OLFML1: variants seen among roughly 807,000 people sequenced by gnomAD.
The protein encoded by OLFML1 is olfactomedin-like protein 1.
In OLFML1, 33 loss-of-function variants were observed where a neutral mutation model predicts 37.3. The ratio of observed to expected loss-of-function variants is 0.88; its 90% CI spans 0.67 to 1.18. OLFML1 has a LOEUF of 1.18. OLFML1 is among the 50% of genes most tolerant of loss of function. The pLI is 0.00. For missense variants in OLFML1, 545 were observed against 483.7 expected (o/e 1.13, Z -1.19); for synonymous variants, 186 against 181.3 (o/e 1.03, Z -0.21).
At position 7,509,710 on chromosome 11, in the gene OLFML1, G is replaced by A. The variant is rs1848832701; in HGVS notation, c.731G>A (p.Arg244Lys). 1.2e-6 allele frequency: 2 copies of A among 1,614,214 alleles called. No individual in the cohort carries two copies. Among genetic ancestry groups the A allele is most frequent in the Admixed American group, 1.7e-5 (1 of 60,028 alleles). The change falls in exon 3 of 3, where the codon AGG becomes AAG. Residue 244 changes from arginine (R) to lysine (K), a missense_variant. Transcript: ENST00000329293. ...NEIIKYNLQK[R>K]TVEDRMLLPG... ...ATAATCAAATATAACCTGCAGAAGA[G>A]GACTGTGGAAGATCGAATGCTGCTC...
chr11:7,508,592 C>T (rs911846182), intron 2 of OLFML1, among the ~76,000 whole-genome samples: 1 of 152,150 alleles, frequency 6.6e-6, no homozygotes, highest in African/African-American at 2.4e-5. Context: ...GAACCATGCC[C>T]AATTTATGCT....
At chr11:7,499,959 C>A (rs1465298625) in intron 2 of OLFML1, among the ~76,000 whole-genome samples, 1 of 152,222 alleles carries the variant, frequency 6.6e-6, no homozygotes, top group African/African-American at 2.4e-5. Flanking sequence ...GATGCACTCT[C>A]AGCTTACTAT....
rs1445323714 is a variant in OLFML1 at position 7,510,338 on chromosome 11, G to A, written c.*150G>A. 2 of 649,986 alleles carry A rather than the reference G, an allele frequency of 3.1e-6. No homozygotes were observed. The highest frequency in any genetic ancestry group is 5.2e-6 in the Non-Finnish European group (2 of 385,848). 40.3% of individuals were successfully genotyped at this position (649,986 alleles called of 1,614,324 possible). A position where few individuals can be genotyped will look rare whatever the true frequency, so the allele number is the denominator to read the frequency against. Reference sequence around the variant, plus strand: ...AATACGTATGCCTCCTTTCCCAAATGTCACTGCCTTAGGTATCTTCCAAGA... The same window carrying A: ...AATACGTATGCCTCCTTTCCCAAATATCACTGCCTTAGGTATCTTCCAAGA... On this transcript the variant is annotated 3_prime_UTR_variant, in exon 3 of 3. Coordinates refer to ENST00000329293, the MANE Select transcript of OLFML1 (RefSeq NM_198474.4).
intron 2 of OLFML1, among the ~76,000 whole-genome samples, chr11:7,496,864 G>T (rs1397068365): frequency 1.3e-5 from 2 of 152,116 alleles, no homozygotes; most frequent in Non-Finnish European, 2.9e-5. Context: ...AGCAGCCTGG[G>T]CAACAAAGCA....
intron 1 of OLFML1, among the ~76,000 whole-genome samples, chr11:7,487,076 C>T (rs1021611994): frequency 3.3e-5 from 5 of 152,188 alleles, no homozygotes; most frequent in Non-Finnish European, 7.3e-5. Flanking sequence ...TAAAGCCAGC[C>T]AAATCCCTGC....
Position 7,510,140 on chromosome 11 carries a change from C to T in OLFML1, c.1161C>T (p.Asn387=), listed in dbSNP as rs149859483. The change falls in exon 3 of 3, where the codon AAC becomes AAT. Residue 387 remains asparagine, a synonymous_variant. Coordinates refer to ENST00000329293, the MANE Select transcript of OLFML1 (RefSeq NM_198474.4). ...AGCTCTATGCCTGGAATGAAGGAAA[C>T]CAGATCATTTACAAACTCCAGACAA... is the stretch of plus-strand genomic sequence containing the variant. ...DKQLYAWNEG[N]QIIYKLQTKR... is the part of the protein sequence containing the mutation. 20 of 1,613,176 alleles carry T rather than the reference C, an allele frequency of 1.2e-5. No homozygotes were observed. The East Asian group carries it at 1.8e-4, about 14-fold the overall frequency.
intron 1 of OLFML1, among the ~76,000 whole-genome samples, chr11:7,487,352 AT>A (rs1263035397): frequency 6.6e-6 from 1 of 152,166 alleles, no homozygotes; most frequent in African/African-American, 2.4e-5. Context: ...TTAGGGAATT[AT>A]TTTGGGTCTC....
intron 2 of OLFML1, among the ~76,000 whole-genome samples, chr11:7,491,742 G>A (rs1848600791): frequency 6.6e-6 from 1 of 152,192 alleles, no homozygotes. Context: ...GTTTCTGTGG[G>A]TCAGGAGTCC....
At chr11:7,502,807 T>C (rs952313996) in intron 2 of OLFML1, among the ~76,000 whole-genome samples, 1 of 152,180 alleles carries the variant, frequency 6.6e-6, no homozygotes, top group African/African-American at 2.4e-5. Context: ...GGTTTCACCA[T>C]GTTGGCCAGG....
chr11:7,485,985 A>T lies in OLFML1; in HGVS notation c.110A>T (p.Gln37Leu), dbSNP rs761228962. The T allele has an allele frequency of 3.1e-6, 5 of 1,614,000 alleles. No homozygotes were observed. Among genetic ancestry groups the T allele is most frequent in the Non-Finnish European group, 4.2e-6 (5 of 1,179,952 alleles). Residue 37 changes from glutamine to leucine, a missense_variant, in exon 1 of 3, where the codon CAG becomes CTG. By Grantham distance (113) the Gln-to-Leu change is moderately radical. Coordinates refer to ENST00000329293, the MANE Select transcript of OLFML1 (RefSeq NM_198474.4). Reference protein sequence around the residue: ...QDPAMVHYIYQRFRVLEQGLE... With the variant: ...QDPAMVHYIYLRFRVLEQGLE... ...CCAGCCATGGTGCATTACATCTACC[A>T]GCGCTTTCGAGTCTTGGAGGTAGGT...
At chr11:7,509,365 AAGT>A (rs1848824474) in intron 2 of OLFML1, 30 bp from the exon 3 acceptor site, 1 of 1,531,386 alleles carries the variant, frequency 6.5e-7, no homozygotes, top group African/African-American at 1.4e-5. Flanking sequence ...CATGTTTATA[AAGT>A]AATCTCTCCT....
At position 7,485,948 on chromosome 11, in the gene OLFML1, T is replaced by C. The variant is rs111822970; in HGVS notation, c.73T>C (p.Cys25Arg). Residue 25 changes from cysteine (C) to arginine (R), a missense_variant, in exon 1 of 3, where the codon TGT becomes CGT. By Grantham distance (180) the Cys-to-Arg change is radical (BLOSUM62 -3). Coordinates refer to ENST00000329293, the MANE Select transcript of OLFML1 (RefSeq NM_198474.4). ...TGCAGCTTTTCTGCCCCCGCCGCAG[T>C]GTACCCAGGACCCAGCCATGGTGCA... is the stretch of plus-strand genomic sequence containing the variant. ...FLAAFLPPPQ[C>R]TQDPAMVHYI... is the part of the protein sequence containing the mutation. 1.9e-6 allele frequency: 3 copies of C among 1,614,070 alleles called. No homozygotes were observed. The highest frequency in any genetic ancestry group is 2.5e-6 in the Non-Finnish European group (3 of 1,179,960).
intron 2 of OLFML1, among the ~76,000 whole-genome samples, chr11:7,496,476 A>G (rs1263059450): frequency 6.6e-6 from 1 of 152,204 alleles, no homozygotes; most frequent in East Asian, 1.9e-4. Flanking sequence ...TCACCAAAGA[A>G]CCAGTGAGAA....
At chr11:7,496,814 A>G (rs1420639963) in intron 2 of OLFML1, among the ~76,000 whole-genome samples, 1 of 152,180 alleles carries the variant, frequency 6.6e-6, no homozygotes, top group Admixed American at 6.5e-5. Context: ...TTGCAGTCAG[A>G]TAATTGGTGG....
intron 2 of OLFML1, among the ~76,000 whole-genome samples, chr11:7,497,132 C>A (rs1169770723): frequency 1.3e-5 from 2 of 152,142 alleles, no homozygotes; most frequent in African/African-American, 4.8e-5. Context: ...GGTTCAGAAA[C>A]CCTTTACAGT....
At chr11:7,500,282 C>T (rs1450363361) in intron 2 of OLFML1, among the ~76,000 whole-genome samples, 3 of 152,228 alleles carry the variant, frequency 2.0e-5, no homozygotes, top group African/African-American at 4.8e-5. Flanking sequence ...AGCTGGGCTG[C>T]AAGCCTGCTG....
At chr11:7,509,328 G>A (rs1296359175) in intron 2 of OLFML1, 70 bp from the exon 3 acceptor site, 6 of 1,187,046 alleles carry the variant, frequency 5.1e-6, no homozygotes, top group African/African-American at 1.5e-5. Context: ...TACCAAGCAT[G>A]GGGAGCCTTC....
At chr11:7,500,956 C>G (rs977575424) in intron 2 of OLFML1, among the ~76,000 whole-genome samples, 1 of 152,144 alleles carries the variant, frequency 6.6e-6, no homozygotes, top group Non-Finnish European at 1.5e-5. Context: ...ATGAAGCATA[C>G]TATATGTCAG....
At chr11:7,501,831 A>G (rs1848728114) in intron 2 of OLFML1, among the ~76,000 whole-genome samples, 1 of 152,162 alleles carries the variant, frequency 6.6e-6, no homozygotes, top group Non-Finnish European at 1.5e-5. Flanking sequence ...AAATGAGACT[A>G]TTTTTTTAAT....
Sources: allele counts gnomAD v4.1 joint callset (sites outside exome capture counted in the v4.1 genomes callset), GRCh38; gene constraint gnomAD v4.1.1; transcripts MANE v1.5; gene names NCBI Gene and HGNC (gene_info 2026-07-23, HGNC 2026-07-21).